NRK: variants seen among roughly 807,000 people sequenced by gnomAD.
NRK encodes nik-related protein kinase.
NRK carries 67 observed loss-of-function variants against 125.2 expected under a neutral mutation model. The ratio of observed to expected loss-of-function variants is 0.54; its 90% confidence interval spans 0.44 to 0.66. The LOEUF is 0.66. Ranked by LOEUF, NRK falls within the 30% of genes least tolerant of loss-of-function variation. The pLI, the probability that NRK is intolerant of heterozygous loss-of-function variation, is 0.00. For synonymous variants in NRK, 458 were observed against 429.0 expected, an observed-to-expected ratio of 1.07 and a Z score of -0.84; for missense variants, 1,224 against 1,192.9, an observed-to-expected ratio of 1.03 and a Z score of -0.38.
chrX:105,949,025 T>G (rs1327690932), intron 26 of NRK, among the ~76,000 whole-genome samples: 2 of 111,492 alleles, frequency 1.8e-5, no homozygotes, highest in Admixed American at 1.9e-4. Flanking sequence ...AAATTCTAAC[T>G]TTTTTGCAAA....
rs760095106 is a variant in NRK, at chrX:105,939,891, C to T, written c.3817C>T (p.Arg1273Trp). The change falls in exon 23 of 29, where the codon CGG (arginine) becomes TGG (tryptophan). Residue 1273 changes from arginine to tryptophan, a missense_variant. Transcript: ENST00000243300. ...ITISGHKNRLRVYHLTWLRNK... is the reference protein window; with the variant it reads ...ITISGHKNRLWVYHLTWLRNK... ...TCTATCAGGTCATAAGAACAGACTT[C>T]GGGTGTATCATCTGACCTGGTTGAG... 11 of 1,175,752 alleles carry T rather than the reference C, an allele frequency of 9.4e-6. No individual in the cohort carries two copies. The highest frequency in any genetic ancestry group is 2.2e-5 in the Admixed American group (1 of 44,784).
At chrX:105,929,082 T>A in intron 19 of NRK, among the ~76,000 whole-genome samples, 1 of 111,890 alleles carries the variant, frequency 8.9e-6, no homozygotes, top group South Asian at 3.7e-4. Flanking sequence ...GAGTGAGGTG[T>A]TGAAATTCTC....
At chrX:105,923,738 T>C (rs2040483872) in intron 18 of NRK, among the ~76,000 whole-genome samples, 1 of 107,796 alleles carries the variant, frequency 9.3e-6, no homozygotes, top group African/African-American at 3.3e-5. Flanking sequence ...TAGATGCTTA[T>C]GTTAAAATTA....
chrX:105,867,713 T>A (rs2039690282), intron 2 of NRK, among the ~76,000 whole-genome samples: 1 of 112,058 alleles, frequency 8.9e-6, no homozygotes, highest in East Asian at 2.8e-4. Flanking sequence ...GATTTAATCA[T>A]GGTTCCATCC....
At chrX:105,849,186 A>G (rs1245081616) in intron 2 of NRK, among the ~76,000 whole-genome samples, 4 of 111,835 alleles carry the variant, frequency 3.6e-5, no homozygotes, top group African/African-American at 9.8e-5. Flanking sequence ...CACTTCTTGC[A>G]TGGTGGCGGC....
At chrX:105,833,638 C>T (rs773038335) in intron 2 of NRK, among the ~76,000 whole-genome samples, 17 of 111,224 alleles carry the variant, frequency 1.5e-4, no homozygotes, top group Non-Finnish European at 2.5e-4. Context: ...AAAAGTAAGA[C>T]GGTAAAAAGG....
chrX:105,904,823 G>C (rs59552187), intron 9 of NRK, among the ~76,000 whole-genome samples: 21,421 of 110,102 alleles, frequency 0.19, 1,554 homozygotes, highest in Middle Eastern at 0.31. Context: ...ATGCTTCTAA[G>C]CTTTCTAGAC....
chrX:105,888,240 TATAGTC>T (rs2039972809), intron 4 of NRK, 48 bp from the exon 5 acceptor site: 1 of 1,076,603 alleles, frequency 9.3e-7, no homozygotes, highest in East Asian at 3.2e-5. Context: ...TTTAGGGACT[TATAGTC>T]ATTGATTGCA....
At chrX:105,890,760 ACCAGGTCCCTCCCATGACATG>A (rs1569302728) in intron 5 of NRK, among the ~76,000 whole-genome samples, 2 of 111,666 alleles carry the variant, frequency 1.8e-5, no homozygotes, top group Non-Finnish European at 3.8e-5. Context: ...ATTACCTCCC[ACCAGGTCCCTCCCATGACATG>A]TGGGAATTAT....
chrX:105,909,555 A>C lies in NRK; in HGVS notation c.1914A>C (p.Ala638=). Residue 638 remains alanine, a synonymous_variant, in exon 13 of 29, where the codon GCA becomes GCC. Coordinates refer to ENST00000243300, the MANE Select transcript of NRK (RefSeq NM_198465.4). The stretch of plus-strand genomic sequence containing the variant: ...CACAGGCAATTGGCTCAGTTCAAGC[A>C]CTGATAGAGGGACTATCAAGAGACT... The part of the protein sequence containing the change: ...EPPQAIGSVQ[A]LIEGLSRDLL... The C allele has an allele frequency of 8.3e-7, 1 of 1,208,794 alleles. No individual in the cohort carries two copies. The highest frequency in any genetic ancestry group is 3.0e-5 in the East Asian group (1 of 33,683).
At chrX:105,830,885 G>A (rs1194015642) in intron 1 of NRK, among the ~76,000 whole-genome samples, 169 bp from the exon 2 acceptor site, 1 of 108,804 alleles carries the variant, frequency 9.2e-6, no homozygotes, top group Non-Finnish European at 1.9e-5. Flanking sequence ...TGTAAATGAC[G>A]AGTTAATGGG....
At position 105,949,549 on chromosome X, in the gene NRK, T is replaced by C. The variant is rs190073918; in HGVS notation, c.4354-26T>C. On this transcript the variant is annotated intron_variant, in intron 26 of 28. Transcript: ENST00000243300. The stretch of plus-strand genomic sequence containing the variant: ...TAGTAGTGATAAAATATTGGACATA[T>C]AAATCTTTATGAAACATAATTCCAG... The C allele has an allele frequency of 1.3e-3, 1,475 of 1,140,737 alleles. 2 individuals are homozygous for C. Among genetic ancestry groups the C allele is most frequent in the Non-Finnish European group, 1.7e-3 (1,409 of 835,918 alleles). The allele number at this position is 1,140,737 out of a possible 1,213,427, so 94.0% of individuals were successfully genotyped here.
chrX:105,881,990 T>C (rs372587184), intron 4 of NRK, among the ~76,000 whole-genome samples: 25 of 110,834 alleles, frequency 2.3e-4, no homozygotes, highest in Admixed American at 1.6e-3. Flanking sequence ...GAGTAGGAGA[T>C]AGGAGAAAAG....
At chrX:105,947,381 T>TG (rs1206236764) in intron 26 of NRK, among the ~76,000 whole-genome samples, 2 of 48,658 alleles carry the variant, frequency 4.1e-5, no homozygotes, top group Non-Finnish European at 6.4e-5. Flanking sequence ...AGGCGGAGCT[T>TG]GCAGTGAGCC....
At chrX:105,907,839 T>C (rs1266011106) in intron 11 of NRK, 1 of 114,443 alleles carries the variant, frequency 8.7e-6, no homozygotes, top group Non-Finnish European at 1.8e-5. Flanking sequence ...AGAATTTGCC[T>C]TCTCATTGAA....
intron 22 of NRK, 35 bp downstream of exon 22, chrX:105,937,617 T>C: frequency 1.9e-6 from 2 of 1,071,167 alleles, no homozygotes; most frequent in Non-Finnish European, 2.6e-6. Flanking sequence ...TGAGTAATTA[T>C]GCAGATTAAT....
chrX:105,934,160 A>G, intron 19 of NRK, 98 bp from the exon 20 acceptor site: 1 of 479,429 alleles, frequency 2.1e-6, no homozygotes, highest in South Asian at 4.1e-5. Flanking sequence ...GATGTTATAG[A>G]TCTTGCATTG....
chrX:105,946,085 C>T, intron 25 of NRK, 70 bp downstream of exon 25: 8 of 1,005,764 alleles, frequency 8.0e-6, no homozygotes, highest in Non-Finnish European at 1.1e-5. Context: ...GCCAATCTGA[C>T]CTTTGAAGAG....
intron 2 of NRK, among the ~76,000 whole-genome samples, chrX:105,871,485 AACAC>A (rs112464085): frequency 1.2e-4 from 13 of 104,649 alleles, no homozygotes; most frequent in Non-Finnish European, 1.8e-4. Flanking sequence ...ACACCCCACC[AACAC>A]ACACACACAC....
Sources: gnomAD v4.1 joint callset for allele counts (sites outside exome capture counted in the v4.1 genomes callset) on GRCh38, gnomAD v4.1.1 for gene constraint, MANE v1.5 for transcripts, NCBI Gene and HGNC (gene_info 2026-07-23, HGNC 2026-07-21) for gene names.